Variants in ATRNL1 observed in about 807,000 individuals in gnomAD.
The protein encoded by ATRNL1 is attractin like 1, also known as attractin-like protein 1.
In ATRNL1, 95 loss-of-function variants were observed where a neutral mutation model predicts 182.7. The ratio of observed to expected loss-of-function variants is 0.52; its 90% confidence interval spans 0.44 to 0.62. The LOEUF is 0.62. Among genes scored for constraint, ATRNL1 ranks in the 20% least tolerant of loss-of-function variants. ATRNL1 has a pLI of 0.00. For synonymous variants in ATRNL1, 576 were observed against 568.3 expected, an observed-to-expected ratio of 1.01 and a Z score of -0.19; for missense variants, 1,471 against 1,679.5, an observed-to-expected ratio of 0.88 and a Z score of 2.17.
At chr10:115,275,958 A>G (rs368096213) in intron 13 of ATRNL1, among the ~76,000 whole-genome samples, 3 of 152,244 alleles carry the variant, frequency 2.0e-5, no homozygotes, top group African/African-American at 7.2e-5. Context: ...AAGCTATAAC[A>G]TCAAATGTAT....
chr10:115,137,952 T>C (rs1224043101), intron 5 of ATRNL1, among the ~76,000 whole-genome samples: 1 of 152,196 alleles, frequency 6.6e-6, no homozygotes, highest in Non-Finnish European at 1.5e-5. Flanking sequence ...AGTTACTTCC[T>C]AGATAACAAT....
chr10:115,624,551 G>T (rs917751469), intron 26 of ATRNL1, among the ~76,000 whole-genome samples: 1 of 152,134 alleles, frequency 6.6e-6, no homozygotes, highest in Non-Finnish European at 1.5e-5. Flanking sequence ...TGCAGAAGCT[G>T]CCTGGAGCCA....
At chr10:115,556,782 A>G (rs568865197) in intron 26 of ATRNL1, among the ~76,000 whole-genome samples, 8 of 151,472 alleles carry the variant, frequency 5.3e-5, no homozygotes, top group Admixed American at 4.6e-4. Context: ...ACTCCTGTAT[A>G]TCTTGGACTC....
chr10:115,831,104 C>G (rs185931242), intron 27 of ATRNL1, among the ~76,000 whole-genome samples: 2 of 152,254 alleles, frequency 1.3e-5, no homozygotes, highest in African/African-American at 2.4e-5. Flanking sequence ...AAGATAAATG[C>G]TCCCACCTGC....
chr10:115,945,770 A>T lies in ATRNL1; in HGVS notation c.*991A>T, dbSNP rs1468287020. The T allele has an allele frequency of 1.3e-5, 2 of 152,174 alleles. No individual in the cohort carries two copies. Among genetic ancestry groups the T allele is most frequent in the Non-Finnish European group, 2.9e-5 (2 of 68,026 alleles). The allele number at this position is 152,174 out of a possible 1,614,324, so 9.4% of individuals were successfully genotyped here. A position where few individuals can be genotyped will look rare whatever the true frequency, so the allele number is the denominator to read the frequency against. Reference sequence around the variant, plus strand: ...TATTTTAGAGGCGACATCTCTCAAGATGACCTGAGTTCCTTCCTGCCAACT... The same window carrying T: ...TATTTTAGAGGCGACATCTCTCAAGTTGACCTGAGTTCCTTCCTGCCAACT... On this transcript the variant is annotated 3_prime_UTR_variant, in exon 29 of 29. Transcript: ENST00000355044.
intron 8 of ATRNL1, among the ~76,000 whole-genome samples, chr10:115,177,895 GTTTTTTTGT>G (rs1211729710): frequency 0.014 from 1,363 of 96,528 alleles, 14 homozygotes; most frequent in African/African-American, 0.046. Flanking sequence ...TTTTGGTTTT[GTTTTTTTGT>G]TTTTTTTGTT....
chr10:115,094,354 T>G (rs2084958978), intron 1 of ATRNL1, among the ~76,000 whole-genome samples: 2 of 152,210 alleles, frequency 1.3e-5, no homozygotes, highest in African/African-American at 4.8e-5. Flanking sequence ...CACAATCAGT[T>G]ATGATGCCCA....
chr10:115,249,283 C>T (rs1313522906), intron 10 of ATRNL1, among the ~76,000 whole-genome samples: 2 of 151,914 alleles, frequency 1.3e-5, no homozygotes, highest in Non-Finnish European at 1.5e-5. Context: ...CGTGAGCCAC[C>T]GTGCCTGGCC....
chr10:115,396,967 G>A (rs1440696067), intron 20 of ATRNL1, among the ~76,000 whole-genome samples: 1 of 151,838 alleles, frequency 6.6e-6, no homozygotes, highest in Non-Finnish European at 1.5e-5. Context: ...TTATGAAGAG[G>A]ATAATAATGG....
intron 26 of ATRNL1, among the ~76,000 whole-genome samples, chr10:115,675,948 C>T (rs1565274680): frequency 6.6e-6 from 1 of 152,072 alleles, no homozygotes; most frequent in Non-Finnish European, 1.5e-5. Context: ...CAGAGCTGTG[C>T]TGGCAATGCT....
chr10:115,866,866 C>T (rs182486476), intron 28 of ATRNL1, among the ~76,000 whole-genome samples: 60 of 152,134 alleles, frequency 3.9e-4, no homozygotes, highest in Non-Finnish European at 8.1e-4. Flanking sequence ...AAGGCTTCAC[C>T]GCTGCTGATG....
At chr10:115,212,083 C>T (rs959456422) in intron 8 of ATRNL1, among the ~76,000 whole-genome samples, 3 of 151,032 alleles carry the variant, frequency 2.0e-5, no homozygotes, top group Non-Finnish European at 2.9e-5. Context: ...TGTTATGTGG[C>T]TGTATTGCAT....
At chr10:115,874,124 C>T (rs1318598858) in intron 28 of ATRNL1, among the ~76,000 whole-genome samples, 1 of 152,148 alleles carries the variant, frequency 6.6e-6, no homozygotes, top group African/African-American at 2.4e-5. Flanking sequence ...TGGTTGATGC[C>T]CTTCTGACAG....
chr10:115,469,395 C>T (rs1234625165), intron 24 of ATRNL1, 66 bp downstream of exon 24: 6 of 1,061,212 alleles, frequency 5.7e-6, no homozygotes, highest in Non-Finnish European at 5.3e-6. Flanking sequence ...GTGCTTTTGT[C>T]CAAAGTGATG....
At chr10:115,769,877 T>G (rs1481152370) in intron 27 of ATRNL1, among the ~76,000 whole-genome samples, 2 of 152,198 alleles carry the variant, frequency 1.3e-5, no homozygotes, top group Non-Finnish European at 2.9e-5. Context: ...CTAAAATCTG[T>G]GTCTTAGGTT....
chr10:115,818,422 A>G (rs1555089251), intron 27 of ATRNL1, among the ~76,000 whole-genome samples: 1 of 152,128 alleles, frequency 6.6e-6, no homozygotes, highest in Non-Finnish European at 1.5e-5. Context: ...ATGATTTGCC[A>G]TTATATTGAT....
chr10:115,151,670 C>T (rs935225530), intron 5 of ATRNL1, among the ~76,000 whole-genome samples: 2 of 152,100 alleles, frequency 1.3e-5, no homozygotes, highest in South Asian at 2.1e-4. Flanking sequence ...CTGTAGGTTG[C>T]GTGTTCACTT....
At chr10:115,195,072 G>A (rs562777249) in intron 8 of ATRNL1, among the ~76,000 whole-genome samples, 1 of 152,062 alleles carries the variant, frequency 6.6e-6, no homozygotes, top group South Asian at 2.1e-4. Flanking sequence ...TGAAAAAGTT[G>A]TGGTAGTTTT....
At chr10:115,941,912 C>T (rs1369503566) in intron 28 of ATRNL1, among the ~76,000 whole-genome samples, 1 of 152,170 alleles carries the variant, frequency 6.6e-6, no homozygotes, top group Non-Finnish European at 1.5e-5. Context: ...TTCCCACGTG[C>T]TCTTCAAAGG....
Sources: gnomAD v4.1 joint callset for allele counts (sites outside exome capture counted in the v4.1 genomes callset) on GRCh38, gnomAD v4.1.1 for gene constraint, MANE v1.5 for transcripts, NCBI Gene and HGNC (gene_info 2026-07-23, HGNC 2026-07-21) for gene names.